The following DSC1 variants were observed in gnomAD, a reference collection of about 807,000 sequenced individuals.
DSC1 encodes the protein desmocollin 1.
DSC1 carries 79 observed loss-of-function variants against 98.8 expected under a neutral mutation model. That is an observed-to-expected ratio of 0.80 (90% CI 0.67 to 0.96). The LOEUF (loss-of-function observed/expected upper bound fraction) is 0.96, where lower values mean the gene tolerates loss of function less well. Ranked by LOEUF, DSC1 falls within the 50% of genes least tolerant of loss-of-function variation. The probability of loss-of-function intolerance (pLI) is 0.00; values close to 1 mark genes in which losing one functional copy is unlikely to be tolerated. For synonymous variants in DSC1, 405 were observed against 372.1 expected (o/e 1.09, Z -1.02); for missense variants, 1,115 against 1,075.9 (o/e 1.04, Z -0.51).
chr18:31,154,276 CA>C (rs66553394), intron 5 of DSC1, among the ~76,000 whole-genome samples: 101 of 139,890 alleles, frequency 7.2e-4, no homozygotes, highest in South Asian at 1.1e-3. Flanking sequence ...GAAAGGGATG[CA>C]AAAAAAAAAA....
chr18:31,141,282 G>A (rs1047260292), intron 9 of DSC1, among the ~76,000 whole-genome samples: 2 of 152,106 alleles, frequency 1.3e-5, no homozygotes, highest in African/African-American at 2.4e-5. Flanking sequence ...AGAAAAAGTA[G>A]ACAGTACAAT....
chr18:31,154,821 T>G lies in DSC1; in HGVS notation c.580A>C (p.Ile194Leu), dbSNP rs764906132. ...LFYIEKDTGD[I>L]FCTRSIDREK... Reference sequence around the variant, plus strand: ...CGGTCAATGCTCCTTGTACAAAAGATATCCCCAGTGTCTTTCTCTATGTAA... The same window carrying G: ...CGGTCAATGCTCCTTGTACAAAAGAGATCCCCAGTGTCTTTCTCTATGTAA... The change falls in exon 5 of 16, where the codon ATC becomes CTC. Residue 194 changes from isoleucine (I) to leucine (L), a missense_variant. Transcript: ENST00000257198. The G allele has an allele frequency of 6.2e-7, 1 of 1,614,026 alleles. No homozygotes were observed. Among genetic ancestry groups the G allele is most frequent in the South Asian group, 1.1e-5 (1 of 91,060 alleles).
At position 31,154,083 on chromosome 18, in the gene DSC1, A is replaced by T. The variant is rs566180766; in HGVS notation, c.627+691T>A. On this transcript the variant is annotated intron_variant, in intron 5 of 15. Coordinates refer to ENST00000257198, the MANE Select transcript of DSC1 (RefSeq NM_024421.2). ...TGAATATCTCATTTCATCAGATGAG[A>T]CATCAGTCCACCAAAGAGTTATATA... Among the ~76,000 whole-genome samples the T allele has an allele frequency of 2.5e-4, 38 of 152,344 alleles. 1 individual carries two copies. The highest frequency in any genetic ancestry group is 8.9e-4 in the African/African-American group (37 of 41,592).
rs1389783566 is a variant in DSC1 at position 31,140,151 on chromosome 18, A to G, written c.1411T>C (p.Cys471Arg). 1 of 1,614,008 alleles carries G rather than the reference A, an allele frequency of 6.2e-7. No individual in the cohort carries two copies. Among genetic ancestry groups the G allele is most frequent in the Admixed American group, 1.7e-5 (1 of 60,000 alleles). Residue 471 changes from cysteine to arginine, a missense_variant, in exon 10 of 16, where the codon TGC becomes CGC. Physicochemically the swap from Cys to Arg is radical, Grantham distance 180. Coordinates refer to ENST00000257198, the MANE Select transcript of DSC1 (RefSeq NM_024421.2). ...TGAATAACTTTCACTGGAGGGTGGC[A>G]TTCAGGGCCCTCATCACTGTCTATA... ...KIIDSDEGPECHPPVKVIQSQ... is the reference protein window; with the variant it reads ...KIIDSDEGPERHPPVKVIQSQ...
At chr18:31,137,813 A>T (rs1988643577) in intron 11 of DSC1, among the ~76,000 whole-genome samples, 1 of 152,174 alleles carries the variant, frequency 6.6e-6, no homozygotes, top group African/African-American at 2.4e-5. Flanking sequence ...ATGCTACTCT[A>T]GGTGGAAGGT....
chr18:31,133,666 A>T (rs1049411809), intron 13 of DSC1, among the ~76,000 whole-genome samples: 2 of 152,108 alleles, frequency 1.3e-5, no homozygotes, highest in Non-Finnish European at 2.9e-5. Flanking sequence ...TGTCTCACAG[A>T]TAATTATTGA....
intron 5 of DSC1, among the ~76,000 whole-genome samples, chr18:31,150,195 TCATCACCAC>T (rs1988939350): frequency 1.6e-5 from 2 of 123,120 alleles, no homozygotes; most frequent in Non-Finnish European, 3.4e-5. Flanking sequence ...ACCACCATCA[TCATCACCAC>T]CACCACCACC....
rs534981289 is a variant in DSC1, at chr18:31,154,914, C to A, written c.487G>T (p.Ala163Ser). The stretch of plus-strand genomic sequence containing the variant: ...GAATAAAAGATGGTGTAATTCTGTG[C>A]AGCATCAGATTGGATCTGCAGTAAT... Reference protein sequence around the residue: ...QHVQQIQSDAAQNYTIFYSIS... With the variant: ...QHVQQIQSDASQNYTIFYSIS... The change falls in exon 5 of 16, where the codon GCA becomes TCA. Residue 163 changes from alanine (A) to serine (S), a missense_variant. Transcript: ENST00000257198. 1.2e-6 allele frequency: 2 copies of A among 1,613,516 alleles called. No homozygotes were observed. Among genetic ancestry groups the A allele is most frequent in the African/African-American group, 2.7e-5 (2 of 75,014 alleles).
At chr18:31,134,217 C>A in intron 12 of DSC1, 87 bp from the exon 13 acceptor site, 7 of 1,433,218 alleles carry the variant, frequency 4.9e-6, no homozygotes, top group South Asian at 2.9e-5. Flanking sequence ...GGAAGGGAAT[C>A]AATTTAGAAT....
At chr18:31,158,960 A>C (rs1053126575) in intron 2 of DSC1, among the ~76,000 whole-genome samples, 1 of 148,212 alleles carries the variant, frequency 6.7e-6, no homozygotes, top group Non-Finnish European at 1.5e-5. Context: ...TAACTTTGGT[A>C]TTTTAATTAT....
At position 31,148,558 on chromosome 18, in the gene DSC1, T is replaced by C; in HGVS notation, c.712A>G (p.Asn238Asp). Residue 238 changes from asparagine (N) to aspartate (D), a missense_variant, in exon 6 of 16, where the codon AAC becomes GAC. Coordinates refer to ENST00000257198, the MANE Select transcript of DSC1 (RefSeq NM_024421.2). ...LIIKIEDDNDNAPYFEHRVTI... is the reference protein window; with the variant it reads ...LIIKIEDDNDDAPYFEHRVTI... ...ACTCTGTGTTCAAAATATGGGGCGT[T>C]ATCATTATCATCTTCAATTTTGATG... 1 of 1,612,522 alleles carries C rather than the reference T, an allele frequency of 6.2e-7. No individual in the cohort carries two copies. The highest frequency in any genetic ancestry group is 2.2e-5 in the East Asian group (1 of 44,860).
chr18:31,130,950 T>C (rs1391924290), intron 15 of DSC1: 1 of 954,910 alleles, frequency 1.0e-6, no homozygotes, highest in South Asian at 1.8e-5. Context: ...TACGCATATA[T>C]CACGCAACAC....
intron 9 of DSC1, among the ~76,000 whole-genome samples, chr18:31,141,678 T>TTG (rs3030250): frequency 0.7 from 106,063 of 151,736 alleles, 37,359 homozygotes; most frequent in East Asian, 0.8. Flanking sequence ...TTTTCTTCTT[T>TTG]TGTGTTCTTA....
intron 8 of DSC1, among the ~76,000 whole-genome samples, chr18:31,143,269 T>C (rs2851996): frequency 0.7 from 106,096 of 151,354 alleles, 37,503 homozygotes; most frequent in East Asian, 0.81. Flanking sequence ...GTTCCTTACT[T>C]ATCTTAAGAA....
intron 5 of DSC1, among the ~76,000 whole-genome samples, chr18:31,150,375 TCATCAC>T (rs1988967331): frequency 1.6e-4 from 5 of 30,816 alleles, no homozygotes; most frequent in Admixed American, 4.5e-4. Flanking sequence ...ACCACCACCA[TCATCAC>T]CACCATCACC....
At chr18:31,130,828 C>G in intron 15 of DSC1, 117 bp from the exon 16 acceptor site, 5 of 1,611,380 alleles carry the variant, frequency 3.1e-6, no homozygotes, top group Non-Finnish European at 4.2e-6. Context: ...AGTGTGTCCT[C>G]TAATGGATTC....
Position 31,131,838 on chromosome 18 carries a change from G to A in DSC1, c.2243C>T (p.Ala748Val). ...TGTCTGCATGGGGAGTCTAATATTT[G>A]CTTCCTAAAAGTAAAGTGAGAGTGA... is the stretch of plus-strand genomic sequence containing the variant. ...TEGPGEEVTEANIRLPMQTSN... is the reference protein window; with the variant it reads ...TEGPGEEVTEVNIRLPMQTSN... The change falls in exon 15 of 16, where the codon GCA (alanine) becomes GTA (valine). Residue 748 changes from alanine to valine, a missense_variant. Transcript: ENST00000257198. 6.2e-7 allele frequency: 1 copy of A among 1,613,666 alleles called. No individual in the cohort carries two copies. The highest frequency in any genetic ancestry group is 8.5e-7 in the Non-Finnish European group (1 of 1,179,742).
intron 12 of DSC1, 122 bp from the exon 13 acceptor site, chr18:31,134,252 T>TCAGCA: frequency 7.4e-7 from 1 of 1,344,194 alleles, no homozygotes; most frequent in Non-Finnish European, 1.0e-6. Flanking sequence ...TTCTTTTTTT[T>TCAGCA]TTTGAATTTG....
At chr18:31,134,862 A>G in intron 11 of DSC1, 78 bp from the exon 12 acceptor site, 3 of 1,350,098 alleles carry the variant, frequency 2.2e-6, no homozygotes, top group Non-Finnish European at 3.1e-6. Context: ...TACACAGTTG[A>G]CATCTGCTTT....
Sources: allele counts gnomAD v4.1 joint callset (sites outside exome capture counted in the v4.1 genomes callset), GRCh38; gene constraint gnomAD v4.1.1; transcripts MANE v1.5; gene names NCBI Gene and HGNC (gene_info 2026-07-23, HGNC 2026-07-21).